The following FNDC3A variants were observed in gnomAD, a reference collection of about 807,000 sequenced individuals.
FNDC3A encodes fibronectin type-III domain-containing protein 3A.
Under a neutral mutation model 148.9 loss-of-function variants are expected in FNDC3A, and 32 were observed. The observed-to-expected ratio is 0.21, with a 90% confidence interval of 0.16 to 0.29. The LOEUF is 0.29. Ranked by LOEUF, FNDC3A falls within the 10% of genes least tolerant of loss-of-function variation. FNDC3A has a pLI of 1.00. For synonymous variants in FNDC3A, 472 were observed against 473.6 expected, an observed-to-expected ratio of 1.00 and a Z score of 0.04; for missense variants, 1,191 against 1,452.8, an observed-to-expected ratio of 0.82 and a Z score of 2.93.
intron 2 of FNDC3A, among the ~76,000 whole-genome samples, chr13:49,024,443 T>TA (rs1873552496): frequency 3.3e-5 from 5 of 151,870 alleles, no homozygotes. Flanking sequence ...TAAAGACCAA[T>TA]ATCCCTGATG....
intron 2 of FNDC3A, among the ~76,000 whole-genome samples, chr13:49,074,608 T>C (rs1358205853): frequency 6.6e-6 from 1 of 152,176 alleles, no homozygotes; most frequent in Non-Finnish European, 1.5e-5. Flanking sequence ...CAGTAATAAC[T>C]TGAAAGTCTT....
intron 3 of FNDC3A, among the ~76,000 whole-genome samples, chr13:49,087,183 G>A (rs1193253470): frequency 6.6e-6 from 1 of 152,094 alleles, no homozygotes; most frequent in African/African-American, 2.4e-5. Flanking sequence ...AGCCAGTTTA[G>A]TGAGTGCTAT....
At chr13:49,166,786 T>G (rs1030926994) in intron 8 of FNDC3A, among the ~76,000 whole-genome samples, 1 of 152,218 alleles carries the variant, frequency 6.6e-6, no homozygotes, top group African/African-American at 2.4e-5. Flanking sequence ...GTGTTCTCTC[T>G]TAGGTGATCT....
chr13:49,190,173 A>G (rs1885810477), intron 17 of FNDC3A, among the ~76,000 whole-genome samples: 1 of 152,190 alleles, frequency 6.6e-6, no homozygotes. Context: ...GGTGTGAGCC[A>G]CCGCGCCCGG....
intron 10 of FNDC3A, among the ~76,000 whole-genome samples, chr13:49,171,397 G>A (rs9526529): frequency 0.025 from 3,778 of 152,232 alleles, 65 homozygotes; most frequent in Non-Finnish European, 0.037. Context: ...GAATAGGGGT[G>A]ACCATTTATT....
chr13:48,986,387 T>TG (rs1233832432), intron 1 of FNDC3A, among the ~76,000 whole-genome samples: 3 of 89,878 alleles, frequency 3.3e-5, no homozygotes, highest in Admixed American at 1.1e-4. Context: ...AGGAAGTTGT[T>TG]TTTTTTTTTT....
At chr13:49,046,654 T>G (rs1374878998) in intron 2 of FNDC3A, 1 of 154,462 alleles carries the variant, frequency 6.5e-6, no homozygotes, top group African/African-American at 2.4e-5. Flanking sequence ...GGAAGATAAC[T>G]TTTTTTCTAT....
intron 3 of FNDC3A, among the ~76,000 whole-genome samples, chr13:49,090,327 G>A (rs1178485184): frequency 6.6e-6 from 1 of 152,144 alleles, no homozygotes; most frequent in Non-Finnish European, 1.5e-5. Flanking sequence ...GAGGCTGAGA[G>A]AGGAGAATCA....
chr13:49,073,774 T>A (rs986370080), intron 2 of FNDC3A, among the ~76,000 whole-genome samples: 12 of 144,910 alleles, frequency 8.3e-5, no homozygotes, highest in African/African-American at 3.1e-4. Flanking sequence ...ATGTATATAA[T>A]ATATATGTGT....
intron 3 of FNDC3A, among the ~76,000 whole-genome samples, chr13:49,111,408 A>G (rs923157118): frequency 1.3e-5 from 2 of 152,152 alleles, no homozygotes; most frequent in African/African-American, 4.8e-5. Flanking sequence ...GGCATTAAAT[A>G]TGATACCGAT....
intron 2 of FNDC3A, among the ~76,000 whole-genome samples, chr13:49,022,381 T>G (rs1873392596): frequency 6.6e-6 from 1 of 152,214 alleles, no homozygotes; most frequent in African/African-American, 2.4e-5. Context: ...GTTAAACTTT[T>G]ATCTCCATGG....
At chr13:49,110,821 A>G (rs1880516118) in intron 3 of FNDC3A, among the ~76,000 whole-genome samples, 1 of 152,224 alleles carries the variant, frequency 6.6e-6, no homozygotes, top group Non-Finnish European at 1.5e-5. Context: ...AAGGAAAGAT[A>G]AAGAAGAATT....
intron 25 of FNDC3A, among the ~76,000 whole-genome samples, chr13:49,206,621 T>G (rs1233754774): frequency 6.6e-6 from 1 of 152,186 alleles, no homozygotes; most frequent in Non-Finnish European, 1.5e-5. Flanking sequence ...TATAGAAAGC[T>G]CCCCTTATTC....
chr13:49,175,364 C>T lies in FNDC3A; in HGVS notation c.1356-3C>T. 1.9e-6 allele frequency: 3 copies of T among 1,550,818 alleles called. No individual in the cohort carries two copies. Among genetic ancestry groups the T allele is most frequent in the Non-Finnish European group, 2.6e-6 (3 of 1,148,810 alleles). ...TGCCTTTTAAAACCATTTGTTTCAA[C>T]AGTGGTTTTAGTGAAGAAGTCTTAT... On this transcript the variant is annotated splice_polypyrimidine_tract_variant and splice_region_variant and intron_variant, in intron 12 of 25. Coordinates refer to ENST00000492622, the MANE Select transcript of FNDC3A (RefSeq NM_001079673.2).
chr13:49,148,481 G>T (rs767766316), intron 8 of FNDC3A, among the ~76,000 whole-genome samples: 1 of 152,064 alleles, frequency 6.6e-6, no homozygotes, highest in Non-Finnish European at 1.5e-5. Context: ...CCTTTCCCCA[G>T]TGTATGTTCT....
At chr13:49,028,380 C>T (rs1428943818) in intron 2 of FNDC3A, among the ~76,000 whole-genome samples, 1 of 151,874 alleles carries the variant, frequency 6.6e-6, no homozygotes, top group Non-Finnish European at 1.5e-5. Context: ...AGCTGGGACT[C>T]CAGGTGCATC....
At chr13:49,114,993 T>C (rs1262345633) in intron 4 of FNDC3A, among the ~76,000 whole-genome samples, 1 of 152,142 alleles carries the variant, frequency 6.6e-6, no homozygotes, top group Admixed American at 6.5e-5. Context: ...TCCCTAAATA[T>C]ATGACTAAAT....
chr13:49,163,529 A>G (rs1884287243), intron 8 of FNDC3A, among the ~76,000 whole-genome samples: 1 of 152,158 alleles, frequency 6.6e-6, no homozygotes, highest in South Asian at 2.1e-4. Flanking sequence ...TTTTCCAGGT[A>G]CCATCTTTCA....
intron 7 of FNDC3A, among the ~76,000 whole-genome samples, chr13:49,141,661 G>GT (rs1221260863): frequency 6.6e-6 from 1 of 152,096 alleles, no homozygotes; most frequent in Non-Finnish European, 1.5e-5. Context: ...TCTTTTAACA[G>GT]TTTAGCTTCC....
Sources: allele counts gnomAD v4.1 joint callset (sites outside exome capture counted in the v4.1 genomes callset), GRCh38; gene constraint gnomAD v4.1.1; transcripts MANE v1.5; gene names NCBI Gene and HGNC (gene_info 2026-07-23, HGNC 2026-07-21).